Variants in NKAIN3 observed in about 807,000 individuals in gnomAD.
NKAIN3 encodes the protein sodium/potassium-transporting ATPase subunit beta-1-interacting protein 3.
In NKAIN3, 25 loss-of-function variants were observed where a neutral mutation model predicts 30.2. The observed-to-expected ratio is 0.83, with a 90% confidence interval of 0.60 to 1.16. The LOEUF (loss-of-function observed/expected upper bound fraction) is 1.16. Ranked by LOEUF, NKAIN3 falls within the 50% of genes most tolerant of loss-of-function variation. The pLI is 0.00. For synonymous variants in NKAIN3, 91 were observed against 89.6 expected (o/e 1.02, Z -0.09); for missense variants, 225 against 254.1 (o/e 0.89, Z 0.78).
intron 1 of NKAIN3, among the ~76,000 whole-genome samples, chr8:62,429,023 G>C (rs1372716134): frequency 1.3e-4 from 20 of 151,828 alleles, no homozygotes; most frequent in Admixed American, 1.3e-3. Context: ...GAGACATAGG[G>C]GTCTAGCTTC....
intron 5 of NKAIN3, among the ~76,000 whole-genome samples, chr8:62,933,654 A>C (rs1822690008): frequency 6.6e-6 from 1 of 152,324 alleles, no homozygotes; most frequent in East Asian, 1.9e-4. Context: ...AGAAAATTTT[A>C]AAATGGGAAA....
At chr8:62,678,629 G>A (rs1385768668) in intron 3 of NKAIN3, among the ~76,000 whole-genome samples, 1 of 150,512 alleles carries the variant, frequency 6.6e-6, no homozygotes, top group Admixed American at 6.6e-5. Context: ...ATTATATATT[G>A]ATGTTATATT....
In NKAIN3 at chr8:62,849,944, A is replaced by T. The variant is rs1819832660; in HGVS notation, c.472-68509A>T. Among the ~76,000 whole-genome samples, 3 of 152,076 alleles carry T rather than the reference A, an allele frequency of 2.0e-5. No homozygotes were observed. The South Asian group carries it at 6.2e-4, about 32-fold the overall frequency. On this transcript the variant is annotated intron_variant, in intron 4 of 6. Transcript: ENST00000623646. ...GTGCATGTGTCTTTATAGCAGCATGATTTATAATCCTTTGGGTATATACCC... is the reference window on the plus strand; with the variant it reads ...GTGCATGTGTCTTTATAGCAGCATGTTTTATAATCCTTTGGGTATATACCC...
chr8:62,676,055 G>T (rs1032681574), intron 3 of NKAIN3, among the ~76,000 whole-genome samples: 1 of 152,114 alleles, frequency 6.6e-6, no homozygotes, highest in Non-Finnish European at 1.5e-5. Flanking sequence ...TACATGATAG[G>T]CAATGAGCTA....
intron 1 of NKAIN3, among the ~76,000 whole-genome samples, chr8:62,389,574 A>G (rs768539626): frequency 4.6e-5 from 7 of 152,180 alleles, no homozygotes; most frequent in Non-Finnish European, 8.8e-5. Flanking sequence ...TAATTATCCC[A>G]TTGCTCTTTC....
chr8:62,568,723 C>T (rs1424288701), intron 1 of NKAIN3, among the ~76,000 whole-genome samples: 3 of 152,130 alleles, frequency 2.0e-5, no homozygotes, highest in African/African-American at 7.2e-5. Context: ...TCTGAGATCC[C>T]ATATTGTTTG....
At chr8:62,836,659 A>G (rs1819374507) in intron 4 of NKAIN3, among the ~76,000 whole-genome samples, 2 of 152,100 alleles carry the variant, frequency 1.3e-5, no homozygotes, top group African/African-American at 4.8e-5. Flanking sequence ...AGTAGATAAC[A>G]AAGTTGCCAG....
intron 4 of NKAIN3, among the ~76,000 whole-genome samples, chr8:62,858,081 C>G (rs902581146): frequency 6.6e-6 from 1 of 151,550 alleles, no homozygotes; most frequent in Non-Finnish European, 1.5e-5. Flanking sequence ...TGTTGTTTTT[C>G]TTTGAACAGT....
chr8:62,920,278 C>T (rs559447313), intron 5 of NKAIN3, among the ~76,000 whole-genome samples: 53 of 152,260 alleles, frequency 3.5e-4, no homozygotes, highest in African/African-American at 1.2e-3. Context: ...CAACAACATC[C>T]AAAACAAACA....
At chr8:62,793,163 C>G (rs936467325) in intron 4 of NKAIN3, among the ~76,000 whole-genome samples, 1 of 151,484 alleles carries the variant, frequency 6.6e-6, no homozygotes, top group South Asian at 2.1e-4. Flanking sequence ...GAAGCCCAGT[C>G]AACGTTTTTC....
intron 4 of NKAIN3, among the ~76,000 whole-genome samples, chr8:62,900,078 C>A (rs963125539): frequency 1.3e-5 from 2 of 150,736 alleles, no homozygotes; most frequent in Admixed American, 6.6e-5. Context: ...AAAAAAAGTT[C>A]TGATTTCTAT....
intron 3 of NKAIN3, among the ~76,000 whole-genome samples, chr8:62,657,989 C>T (rs1812814514): frequency 6.6e-6 from 1 of 151,800 alleles, no homozygotes; most frequent in Non-Finnish European, 1.5e-5. Context: ...GAAGAGAGTG[C>T]AGATCTCTCG....
chr8:62,755,281 C>T (rs1205595751), intron 4 of NKAIN3, among the ~76,000 whole-genome samples: 1 of 152,184 alleles, frequency 6.6e-6, no homozygotes, highest in Non-Finnish European at 1.5e-5. Flanking sequence ...CAACACCTTG[C>T]AGGGTTCGGG....
chr8:62,298,452 C>G (rs1813919620), intron 1 of NKAIN3, among the ~76,000 whole-genome samples: 1 of 152,136 alleles, frequency 6.6e-6, no homozygotes, highest in Admixed American at 6.6e-5. Flanking sequence ...ACCCTACCAA[C>G]TACTTCCCAC....
chr8:62,738,173 A>T (rs1008536173), intron 3 of NKAIN3, among the ~76,000 whole-genome samples: 2 of 152,142 alleles, frequency 1.3e-5, no homozygotes, highest in African/African-American at 4.8e-5. Flanking sequence ...CCTCTCCAGC[A>T]TCTGTTGTTT....
intron 1 of NKAIN3, among the ~76,000 whole-genome samples, chr8:62,293,115 C>T (rs901620722): frequency 6.6e-6 from 1 of 152,108 alleles, no homozygotes; most frequent in Non-Finnish European, 1.5e-5. Context: ...ACTGTTTATT[C>T]TAGTTAGCTA....
At chr8:62,274,262 AAG>A (rs986178576) in intron 1 of NKAIN3, among the ~76,000 whole-genome samples, 1 of 96,954 alleles carries the variant, frequency 1.0e-5, no homozygotes, top group African/African-American at 3.4e-5. Context: ...ATTTGAAAAA[AAG>A]CAATTTTTTG....
rs530699704 is a variant in NKAIN3 at position 62,788,874 on chromosome 8, G to A, written c.471+41745G>A. 2.6e-5 allele frequency among the ~76,000 whole-genome samples: 4 copies of A among 152,166 alleles called. No homozygotes were observed. The East Asian group carries it at 7.7e-4, about 29-fold the overall frequency. ...ATGCGGCATTATTTCTGAGGGCTCT[G>A]TTCTGTTCCATTGGTCTATATCTGT... On this transcript the variant is annotated intron_variant, in intron 4 of 6. Transcript: ENST00000623646.
At chr8:62,856,163 G>A in intron 4 of NKAIN3, 1 of 741,222 alleles carries the variant, frequency 1.3e-6, no homozygotes, top group Non-Finnish European at 2.5e-6. Context: ...AGACCTCTTG[G>A]TATCACTAGG....
Sources: allele counts gnomAD v4.1 joint callset (sites outside exome capture counted in the v4.1 genomes callset), GRCh38; gene constraint gnomAD v4.1.1; transcripts MANE v1.5; gene names NCBI Gene and HGNC (gene_info 2026-07-23, HGNC 2026-07-21).